Variants in CD163L1 observed in about 807,000 individuals in gnomAD.
CD163L1 encodes the protein scavenger receptor cysteine-rich type 1 protein M160.
A neutral mutation model predicts 165.4 loss-of-function variants in CD163L1; 124 were observed. That is an observed-to-expected ratio of 0.75 (90% CI 0.65 to 0.87). CD163L1 has a LOEUF of 0.87. CD163L1 is among the 40% of genes least tolerant of loss of function. The pLI, the probability that CD163L1 is intolerant of heterozygous loss-of-function variation, is 0.00. For missense variants in CD163L1, 1,525 were observed against 1,799.9 expected (o/e 0.85, Z 2.76); for synonymous variants, 585 against 662.2 (o/e 0.88, Z 1.79).
rs143184524 is a variant in CD163L1, at chr12:7,374,158, C to A, written c.3409+284G>T. Among the ~76,000 whole-genome samples the A allele has an allele frequency of 1.1e-4, 17 of 152,308 alleles. No individual in the cohort carries two copies. The highest frequency in any genetic ancestry group is 2.1e-4 in the Non-Finnish European group (14 of 68,026). On this transcript the variant is annotated intron_variant, in intron 13 of 19. Transcript: ENST00000313599. This position sits in a 1 kb window ranked among gnomAD's most constrained non-coding sequence, Gnocchi z 5.4. Reference sequence around the variant, plus strand: ...GATTGGACACGGTTGACAGTGTGTTCTCAGAGCCAGAGTGGATGTCATGTA... The same window carrying A: ...GATTGGACACGGTTGACAGTGTGTTATCAGAGCCAGAGTGGATGTCATGTA...
chr12:7,331,535 G>GT, the CD163L1 span, among the ~76,000 whole-genome samples: 1 of 152,220 alleles, frequency 6.6e-6, no homozygotes, highest in African/African-American at 2.4e-5. Context: ...GCACCCCCCA[G>GT]TAGGGGCGGA....
chr12:7,439,435 T>A, intron 2 of CD163L1: 1 of 1,587,620 alleles, frequency 6.3e-7, no homozygotes, highest in Non-Finnish European at 8.5e-7. Context: ...GCTCTCCAGG[T>A]CTGGTTTGGA....
chr12:7,328,472 C>A, the CD163L1 span: 2 of 932,350 alleles, frequency 2.1e-6, no homozygotes, highest in African/African-American at 1.7e-5. Context: ...TGTTTAAGAT[C>A]TTTCCTGCTT....
intron 5 of CD163L1, among the ~76,000 whole-genome samples, chr12:7,405,599 T>C (rs1948000418): frequency 6.6e-6 from 1 of 152,224 alleles, no homozygotes; most frequent in Admixed American, 6.5e-5. Flanking sequence ...CGTCTACATA[T>C]GTTTTTCTAT....
At position 7,440,101 on chromosome 12, in the gene CD163L1, A is replaced by G. The variant is rs989237854; in HGVS notation, c.124+1053T>C. The stretch of plus-strand genomic sequence containing the variant: ...ATCAGCGGCGTAACGGAAGCCGACC[A>G]ATGGCGGGCTTGGACCCGCCGCGCC... On this transcript the variant is annotated intron_variant, in intron 2 of 19. Transcript: ENST00000313599. 6 of 873,398 alleles carry G rather than the reference A, an allele frequency of 6.9e-6. No homozygotes were observed. The Admixed American group carries it at 8.5e-5, about 12-fold the overall frequency. 54.1% of individuals were successfully genotyped at this position (873,398 alleles called of 1,614,324 possible).
intron 4 of CD163L1, among the ~76,000 whole-genome samples, chr12:7,421,326 ATG>A (rs1162236295): frequency 2.0e-4 from 21 of 107,000 alleles, no homozygotes; most frequent in Non-Finnish European, 3.7e-4. Flanking sequence ...GAAGATATAT[ATG>A]TATATATATC....
rs766556153 is a variant in CD163L1 at position 7,369,713 on chromosome 12, G to A, written c.3731-48C>T. The A allele has an allele frequency of 6.5e-6, 10 of 1,548,484 alleles. No homozygotes were observed. In the Admixed American group the frequency reaches 1.8e-4, roughly 28 times the overall value. ...TGTCTTTACTCCTGAAGGAGGTTGTGGGAGAATGCTGAGGTAGAAAAACTT... is the reference window on the plus strand; with the variant it reads ...TGTCTTTACTCCTGAAGGAGGTTGTAGGAGAATGCTGAGGTAGAAAAACTT... On this transcript the variant is annotated intron_variant, in intron 14 of 19. Transcript: ENST00000313599. The surrounding 1 kb of genome is among the most constrained non-coding windows in gnomAD (Gnocchi z 4.9).
At chr12:7,418,026 C>T (rs1182527102) in intron 4 of CD163L1, among the ~76,000 whole-genome samples, 3 of 151,974 alleles carry the variant, frequency 2.0e-5, no homozygotes, top group African/African-American at 7.2e-5. Context: ...AGAGGCAGAA[C>T]AAATGGACTT....
chr12:7,338,614 T>C, the CD163L1 span, among the ~76,000 whole-genome samples: 1 of 152,184 alleles, frequency 6.6e-6, no homozygotes, highest in African/African-American at 2.4e-5. Context: ...AGATGCTTAC[T>C]CTGAATATCT....
intron 4 of CD163L1, among the ~76,000 whole-genome samples, chr12:7,414,709 A>G (rs1189972535): frequency 6.6e-6 from 1 of 152,166 alleles, no homozygotes; most frequent in Non-Finnish European, 1.5e-5. Flanking sequence ...TGAAAGCAGC[A>G]ACAGAAAACT....
At chr12:7,441,534 A>T (rs1948831003) in intron 1 of CD163L1, among the ~76,000 whole-genome samples, 1 of 152,118 alleles carries the variant, frequency 6.6e-6, no homozygotes, top group Non-Finnish European at 1.5e-5. Flanking sequence ...GTTTGGGGTA[A>T]TTGATTAGCA....
chr12:7,431,267 T>C (rs947440110), intron 4 of CD163L1, among the ~76,000 whole-genome samples: 8 of 151,902 alleles, frequency 5.3e-5, no homozygotes, highest in Admixed American at 1.3e-4. Context: ...TTAAAAATAC[T>C]GTAGCCGGGC....
At chr12:7,421,423 A>C (rs1361820155) in intron 4 of CD163L1, among the ~76,000 whole-genome samples, 2 of 122,982 alleles carry the variant, frequency 1.6e-5, no homozygotes, top group African/African-American at 6.6e-5. Flanking sequence ...GTATATATAC[A>C]TATATGTACA....
At chr12:7,359,464 T>C (rs754229293) in intron 18 of CD163L1, among the ~76,000 whole-genome samples, 12 of 152,052 alleles carry the variant, frequency 7.9e-5, no homozygotes, top group Non-Finnish European at 1.5e-4. Flanking sequence ...TAATATTTAG[T>C]GTGAAAAAAA....
rs1178369822 is a variant in CD163L1 at position 7,432,870 on chromosome 12, T to G, written c.446-134A>C. 3 of 718,804 alleles carry G rather than the reference T, an allele frequency of 4.2e-6. No individual in the cohort carries two copies. Among genetic ancestry groups the G allele is most frequent in the Admixed American group, 7.0e-5 (2 of 28,386 alleles). The allele number at this position is 718,804 out of a possible 1,614,324, so 44.5% of individuals were successfully genotyped here. A position where few individuals can be genotyped will look rare whatever the true frequency, so the allele number is the denominator to read the frequency against. ...ATTAAAAAAAAATAACTGAAAATACTTATAGGAGGGGTATGTGAGGCTTTT... is the reference window on the plus strand; with the variant it reads ...ATTAAAAAAAAATAACTGAAAATACGTATAGGAGGGGTATGTGAGGCTTTT... On this transcript the variant is annotated intron_variant, in intron 3 of 19. Transcript: ENST00000313599. The surrounding 1 kb of genome is among the most constrained non-coding windows in gnomAD (Gnocchi z 4.2).
intron 8 of CD163L1, among the ~76,000 whole-genome samples, chr12:7,394,205 C>T (rs773601059): frequency 3.9e-5 from 6 of 152,098 alleles, no homozygotes; most frequent in Non-Finnish European, 8.8e-5. Context: ...TACTACAAGG[C>T]TATAGTAACC....
rs768018112 is a variant in CD163L1, at chr12:7,403,517, A to G, written c.1408+18T>C. On this transcript the variant is annotated intron_variant, in intron 6 of 19. Coordinates refer to ENST00000313599, the MANE Select transcript of CD163L1 (RefSeq NM_174941.6). ...TAAAAATTCAAATGTGTACACTCTCATGATCTTTGAACCTTACCAGAACAA... is the reference window on the plus strand; with the variant it reads ...TAAAAATTCAAATGTGTACACTCTCGTGATCTTTGAACCTTACCAGAACAA... 1.9e-6 allele frequency: 3 copies of G among 1,597,322 alleles called. No individual in the cohort carries two copies. In the Admixed American group the frequency reaches 5.1e-5, roughly 27 times the overall value.
chr12:7,409,294 T>C lies in CD163L1; in HGVS notation c.767-2442A>G, dbSNP rs760267301. ...AATTTATGTAAAATCTGCCTAAATG[T>C]AGCACACAAAGTTCAGAACCCACCA... On this transcript the variant is annotated intron_variant, in intron 4 of 19. Transcript: ENST00000313599. 2.6e-4 allele frequency among the ~76,000 whole-genome samples: 40 copies of C among 152,272 alleles called. No homozygotes were observed. In the East Asian group the frequency reaches 2.9e-3, roughly 11 times the overall value.
chr12:7,433,127 T>C (rs776212629), intron 3 of CD163L1, among the ~76,000 whole-genome samples: 5 of 152,210 alleles, frequency 3.3e-5, no homozygotes, highest in Non-Finnish European at 7.3e-5. Context: ...ATTACATTGG[T>C]AACTGTAATG....
Sources: gnomAD v4.1 joint callset for allele counts (sites outside exome capture counted in the v4.1 genomes callset) on GRCh38, gnomAD v4.1.1 for gene constraint, Gnocchi (gnomAD v3.1) non-coding constraint, MANE v1.5 for transcripts, NCBI Gene and HGNC (gene_info 2026-07-23, HGNC 2026-07-21) for gene names.